Variants in SYT16 observed in about 807,000 individuals in gnomAD.
SYT16 encodes the protein synaptotagmin-16.
A neutral mutation model predicts 61.4 loss-of-function variants in SYT16; 42 were observed. The ratio of observed to expected loss-of-function variants is 0.68; its 90% CI spans 0.53 to 0.89. The LOEUF is 0.89. Ranked by LOEUF, SYT16 falls within the 40% of genes least tolerant of loss-of-function variation. The probability of loss-of-function intolerance (pLI) is 0.00; values close to 1 mark genes in which losing one functional copy is unlikely to be tolerated. For synonymous variants in SYT16, 314 were observed against 302.3 expected (o/e 1.04, Z -0.40); for missense variants, 804 against 807.3 (o/e 1.00, Z 0.05).
chr14:62,056,736 G>T (rs183799063), intron 3 of SYT16, among the ~76,000 whole-genome samples: 1 of 152,138 alleles, frequency 6.6e-6, no homozygotes, highest in African/African-American at 2.4e-5. Context: ...ACCCATTCAG[G>T]CTCCTTGAAT....
At chr14:61,940,549 C>T (rs905342886) in intron 1 of SYT16, among the ~76,000 whole-genome samples, 6 of 152,116 alleles carry the variant, frequency 3.9e-5, no homozygotes, top group African/African-American at 1.4e-4. Context: ...TTCTCTAAGC[C>T]TCAGTATATT....
intron 3 of SYT16, among the ~76,000 whole-genome samples, chr14:62,024,714 A>C (rs2054035918): frequency 6.6e-6 from 1 of 152,096 alleles, no homozygotes; most frequent in African/African-American, 2.4e-5. Context: ...AGTATATAAT[A>C]ATATGCATCT....
intron 1 of SYT16, among the ~76,000 whole-genome samples, chr14:61,859,614 G>A (rs1001527417): frequency 2.0e-5 from 3 of 151,678 alleles, no homozygotes; most frequent in Non-Finnish European, 2.9e-5. Context: ...CAAACTCCTT[G>A]TGTCTGTGTC....
chr14:61,883,062 T>A (rs1380748282), intron 1 of SYT16, among the ~76,000 whole-genome samples: 1 of 152,220 alleles, frequency 6.6e-6, no homozygotes, highest in East Asian at 1.9e-4. Context: ...GTCCTGAGGC[T>A]GCACAGAGCA....
At chr14:62,095,134 T>G (rs925863137) in intron 7 of SYT16, among the ~76,000 whole-genome samples, 2 of 152,134 alleles carry the variant, frequency 1.3e-5, no homozygotes, top group East Asian at 1.9e-4. Flanking sequence ...TATCAATAAC[T>G]AATAATGTGG....
At chr14:62,092,570 T>C (rs976922596) in intron 7 of SYT16, among the ~76,000 whole-genome samples, 1 of 151,744 alleles carries the variant, frequency 6.6e-6, no homozygotes, top group African/African-American at 2.4e-5. Context: ...AATTCTGACA[T>C]ATGCTGCAGT....
At chr14:61,838,352 C>T (rs111926784) in intron 1 of SYT16, among the ~76,000 whole-genome samples, 1,716 of 152,296 alleles carry the variant, frequency 0.011, 36 homozygotes, top group African/African-American at 0.036. Flanking sequence ...TCCGTCATGA[C>T]CACTGCACAT....
chr14:61,949,510 C>T (rs1057436841), intron 1 of SYT16, among the ~76,000 whole-genome samples: 6 of 151,992 alleles, frequency 3.9e-5, no homozygotes, highest in African/African-American at 7.3e-5. Context: ...AGTGGCTGTT[C>T]ACAGGTATAA....
intron 1 of SYT16, among the ~76,000 whole-genome samples, chr14:61,967,488 G>C (rs1205760183): frequency 6.6e-6 from 1 of 152,146 alleles, no homozygotes; most frequent in African/African-American, 2.4e-5. Flanking sequence ...GAGGCTCTGA[G>C]GGAGAATCTG....
At chr14:62,096,594 A>G (rs960423681) in intron 7 of SYT16, among the ~76,000 whole-genome samples, 8 of 152,132 alleles carry the variant, frequency 5.3e-5, no homozygotes, top group Non-Finnish European at 1.2e-4. Context: ...TTAGAAGGAC[A>G]TACACTACAA....
chr14:61,980,607 C>T (rs927392218), intron 2 of SYT16, among the ~76,000 whole-genome samples: 23 of 152,216 alleles, frequency 1.5e-4, no homozygotes, highest in Middle Eastern at 6.8e-3. Flanking sequence ...CAACATTATT[C>T]GTTGTGAAGC....
intron 1 of SYT16, chr14:61,831,862 C>T: frequency 2.3e-6 from 1 of 443,198 alleles, no homozygotes; most frequent in East Asian, 4.9e-5. Context: ...CAGCATCTCT[C>T]ACTTCTTCCA....
intron 1 of SYT16, among the ~76,000 whole-genome samples, chr14:61,846,845 T>C (rs1052686186): frequency 3.3e-5 from 5 of 152,178 alleles, no homozygotes; most frequent in Non-Finnish European, 7.4e-5. Flanking sequence ...TATTGGAAGT[T>C]ACCATGAGGC....
Position 62,112,045 on chromosome 14 carries a change from C to T in SYT16, c.*11338C>T, listed in dbSNP as rs1157932409. The stretch of plus-strand genomic sequence containing the variant: ...GTGGAAATTTTTTAATTGTTAAAAA[C>T]TGGAATACCTTTCTACCTTTTGTAG... On this transcript the variant is annotated 3_prime_UTR_variant, in exon 8 of 8. Coordinates refer to ENST00000683842, the MANE Select transcript of SYT16 (RefSeq NM_001367656.1). 6.6e-6 allele frequency: 1 copy of T among 152,054 alleles called. No individual in the cohort carries two copies. The highest frequency in any genetic ancestry group is 1.5e-5 in the Non-Finnish European group (1 of 67,944). The allele number at this position is 152,054 out of a possible 1,614,324, so 9.4% of individuals were successfully genotyped here.
intron 3 of SYT16, among the ~76,000 whole-genome samples, chr14:62,013,336 C>T (rs2053542055): frequency 1.3e-5 from 2 of 152,176 alleles, no homozygotes; most frequent in African/African-American, 4.8e-5. Context: ...GAAGTGCCCC[C>T]ACTTCCAGCC....
chr14:61,850,664 C>T (rs1034911488), intron 1 of SYT16, among the ~76,000 whole-genome samples: 2 of 152,168 alleles, frequency 1.3e-5, no homozygotes, highest in Admixed American at 6.5e-5. Context: ...CAGTGCCCTC[C>T]ACATCAGATG....
chr14:62,059,154 G>T (rs1275623078), intron 3 of SYT16, among the ~76,000 whole-genome samples: 1 of 151,958 alleles, frequency 6.6e-6, no homozygotes, highest in African/African-American at 2.4e-5. Flanking sequence ...AAAATAATCT[G>T]TACAAAAAAA....
At position 62,069,767 on chromosome 14, in the gene SYT16, T is replaced by G. The variant is rs1471583467; in HGVS notation, c.688T>G (p.Ser230Ala). ...GGAGCAGAAACCAAAATTCAGCCGT[T>G]CGTTGTTGACACACGGAGAAGATGG... Reference protein sequence around the residue: ...GLEQKPKFSRSLLTHGEDGTE... With the variant: ...GLEQKPKFSRALLTHGEDGTE... The change falls in exon 4 of 8, where the codon TCG becomes GCG. Residue 230 changes from serine to alanine, a missense_variant. Ser to Ala is a moderately conservative substitution (Grantham distance 99). Transcript: ENST00000683842. 2.5e-6 allele frequency: 4 copies of G among 1,613,930 alleles called. No homozygotes were observed. In the African/African-American group the frequency reaches 5.3e-5, roughly 22 times the overall value.
At chr14:61,924,724 A>C (rs1262693557) in intron 1 of SYT16, among the ~76,000 whole-genome samples, 1 of 152,170 alleles carries the variant, frequency 6.6e-6, no homozygotes, top group African/African-American at 2.4e-5. Flanking sequence ...GTTTCTTATT[A>C]TGTAAAATGG....
Sources: allele counts gnomAD v4.1 joint callset (sites outside exome capture counted in the v4.1 genomes callset), GRCh38; gene constraint gnomAD v4.1.1; transcripts MANE v1.5; gene names NCBI Gene and HGNC (gene_info 2026-07-23, HGNC 2026-07-21).